Variants in KLRG1 observed in about 807,000 individuals in gnomAD.
KLRG1 encodes the protein killer cell lectin like receptor G1, also known as killer cell lectin-like receptor subfamily G member 1.
In KLRG1, 16 loss-of-function variants were observed where a neutral mutation model predicts 21.8. The observed-to-expected ratio is 0.73, with a 90% CI of 0.50 to 1.11. The LOEUF is 1.11. Among genes scored for constraint, KLRG1 ranks in the 50% most tolerant of loss-of-function variants. The probability of loss-of-function intolerance (pLI) is 0.00; values close to 1 mark genes in which losing one functional copy is unlikely to be tolerated. For synonymous variants in KLRG1, 69 were observed against 75.9 expected, an observed-to-expected ratio of 0.91 and a Z score of 0.47; for missense variants, 173 against 218.3, an observed-to-expected ratio of 0.79 and a Z score of 1.31.
At chr12:9,150,318 C>T in the KLRG1 span, among the ~76,000 whole-genome samples, 3 of 151,980 alleles carry the variant, frequency 2.0e-5, no homozygotes, top group African/African-American at 7.3e-5. Context: ...AGTCTCGCAC[C>T]GTCACCTGGG....
At chr12:9,169,083 A>G in the KLRG1 span, 5 of 722,866 alleles carry the variant, frequency 6.9e-6, no homozygotes, top group Non-Finnish European at 9.2e-6. Flanking sequence ...TATTAATTCT[A>G]TGGCGAAACA....
chr12:9,205,171 G>A, the KLRG1 span, among the ~76,000 whole-genome samples: 1 of 152,054 alleles, frequency 6.6e-6, no homozygotes, highest in African/African-American at 2.4e-5. Flanking sequence ...TATTTAAATT[G>A]TTGAAAGTTT....
In KLRG1 at chr12:9,009,715, T is replaced by C; in HGVS notation, c.*178T>C. 1 of 1,424,014 alleles carries C rather than the reference T, an allele frequency of 7.0e-7. No homozygotes were observed. The highest frequency in any genetic ancestry group is 9.1e-7 in the Non-Finnish European group (1 of 1,094,040). The allele number at this position is 1,424,014 out of a possible 1,614,324, so 88.2% of individuals were successfully genotyped here. A position where few individuals can be genotyped will look rare whatever the true frequency, so the allele number is the denominator to read the frequency against. On this transcript the variant is annotated 3_prime_UTR_variant, in exon 5 of 5. Transcript: ENST00000356986. ...TTGATGCCTAACTGATGGATTCTCT[T>C]TGAGACTATTTAGATATTATGTGAG...
intron 1 of KLRG1, among the ~76,000 whole-genome samples, chr12:8,978,681 TTTCTTTC>T (rs1274785991): frequency 7.2e-6 from 1 of 138,520 alleles, no homozygotes; most frequent in African/African-American, 2.6e-5. Context: ...TCTTTCTTTC[TTTCTTTC>T]TTTTTCTTTC....
the KLRG1 span, chr12:9,091,454 C>T: frequency 6.2e-7 from 1 of 1,612,006 alleles, no homozygotes; most frequent in Non-Finnish European, 8.5e-7. Flanking sequence ...AAGTGAAGAA[C>T]AGAAAGTAAG....
the KLRG1 span, chr12:9,037,044 A>C: frequency 1.7e-5 from 3 of 177,076 alleles, no homozygotes; most frequent in South Asian, 3.8e-4. Flanking sequence ...TCTTGCCACT[A>C]AATATCAGTT....
the KLRG1 span, chr12:9,160,430 C>T: frequency 1.2e-6 from 2 of 1,613,798 alleles, no homozygotes; most frequent in South Asian, 1.1e-5. Context: ...CTGTTCTCCA[C>T]AGCCATATGG....
chr12:9,177,138 C>T, the KLRG1 span, among the ~76,000 whole-genome samples: 1 of 152,136 alleles, frequency 6.6e-6, no homozygotes, highest in Non-Finnish European at 1.5e-5. Flanking sequence ...ATAGGGTTGA[C>T]CTCTGTAGCC....
chr12:9,013,413 T>C (rs1474314087), downstream of KLRG1, among the ~76,000 whole-genome samples: 1 of 152,170 alleles, frequency 6.6e-6, no homozygotes, highest in Non-Finnish European at 1.5e-5. Context: ...TGCAGAGATA[T>C]GACCATTCAG....
chr12:9,196,141 T>C, the KLRG1 span, among the ~76,000 whole-genome samples: 1 of 152,200 alleles, frequency 6.6e-6, no homozygotes, highest in African/African-American at 2.4e-5. Context: ...CTGATTCTCA[T>C]AATAATTTAG....
chr12:9,105,574 C>T, the KLRG1 span, among the ~76,000 whole-genome samples: 1 of 152,220 alleles, frequency 6.6e-6, no homozygotes, highest in African/African-American at 2.4e-5. Flanking sequence ...TGATCTCAGA[C>T]TTCTAGAGTC....
the KLRG1 span, among the ~76,000 whole-genome samples, chr12:9,043,990 C>T: frequency 6.6e-6 from 1 of 152,172 alleles, no homozygotes; most frequent in Non-Finnish European, 1.5e-5. Flanking sequence ...TGCCATCTGG[C>T]TGCAATTTCA....
chr12:9,039,208 T>C, the KLRG1 span, among the ~76,000 whole-genome samples: 1 of 152,242 alleles, frequency 6.6e-6, no homozygotes, highest in South Asian at 2.1e-4. Flanking sequence ...CGCCTCCGCG[T>C]CTATTCTCTT....
downstream of KLRG1, among the ~76,000 whole-genome samples, chr12:9,013,469 A>G (rs1342423010): frequency 6.6e-6 from 1 of 152,184 alleles, no homozygotes; most frequent in African/African-American, 2.4e-5. Context: ...AATGAAATTC[A>G]AGGTAACTGT....
chr12:9,140,329 G>A, the KLRG1 span, among the ~76,000 whole-genome samples: 1 of 152,162 alleles, frequency 6.6e-6, no homozygotes. Context: ...AATCCATTTG[G>A]TTGTTTTGGA....
chr12:9,151,547 G>T, the KLRG1 span: 1 of 1,392,430 alleles, frequency 7.2e-7, no homozygotes, highest in Non-Finnish European at 1.0e-6. Flanking sequence ...CTAGTAAAGA[G>T]ACTCACTTAG....
the KLRG1 span, among the ~76,000 whole-genome samples, chr12:9,088,591 C>A: frequency 6.6e-6 from 1 of 152,006 alleles, no homozygotes; most frequent in African/African-American, 2.4e-5. Flanking sequence ...AGGCAATGAA[C>A]CTATGTATGA....
rs775464681 is a variant in KLRG1, at chr12:8,979,877, C to T, written c.-155-12329C>T. On this transcript the variant is annotated intron_variant, in intron 1 of 4. Coordinates refer to the KLRG1 transcript ENST00000539240. The stretch of plus-strand genomic sequence containing the variant: ...TTTTTTATTTTACTCATGTATTCTT[C>T]AGCTCTATAATTTCTGCTTTTTTTG... Among the ~76,000 whole-genome samples the T allele has an allele frequency of 2.2e-4, 34 of 151,950 alleles. 1 individual carries two copies. Among genetic ancestry groups the T allele is most frequent in the African/African-American group, 8.0e-4 (33 of 41,434 alleles).
the KLRG1 span, chr12:9,162,799 G>T: frequency 1.1e-5 from 7 of 657,694 alleles, no homozygotes; most frequent in African/African-American, 3.7e-5. Context: ...AGTTCAAGGG[G>T]ACATGTGCAG....
Sources: gnomAD v4.1 joint callset for allele counts (sites outside exome capture counted in the v4.1 genomes callset) on GRCh38, gnomAD v4.1.1 for gene constraint, MANE v1.5 for transcripts, NCBI Gene and HGNC (gene_info 2026-07-23, HGNC 2026-07-21) for gene names.